Variants in SPATA16 observed in about 807,000 individuals in gnomAD.
SPATA16 encodes spermatogenesis-associated protein 16.
SPATA16 carries 36 observed loss-of-function variants against 63.3 expected under a neutral mutation model. That is an observed-to-expected ratio of 0.57 (90% CI 0.44 to 0.75). SPATA16 has a LOEUF of 0.75. Ranked by LOEUF, SPATA16 falls within the 30% of genes least tolerant of loss-of-function variation. SPATA16 has a pLI of 0.00. For missense variants in SPATA16, 646 were observed against 679.3 expected (o/e 0.95, Z 0.54); for synonymous variants, 203 against 216.7 (o/e 0.94, Z 0.56).
chr3:173,057,415 T>C (rs1009579868), intron 2 of SPATA16, among the ~76,000 whole-genome samples: 5 of 151,270 alleles, frequency 3.3e-5, no homozygotes, highest in African/African-American at 1.2e-4. Context: ...ACCTGGCCTA[T>C]AGTGTTTTCT....
chr3:173,011,845 A>G (rs892494924), intron 4 of SPATA16, among the ~76,000 whole-genome samples: 2 of 152,184 alleles, frequency 1.3e-5, no homozygotes, highest in African/African-American at 4.8e-5. Flanking sequence ...TAGGAGACAG[A>G]GTCTGAACTC....
intron 2 of SPATA16, among the ~76,000 whole-genome samples, chr3:173,068,211 T>A (rs1736570363): frequency 6.6e-6 from 1 of 152,162 alleles, no homozygotes; most frequent in Admixed American, 6.5e-5. Flanking sequence ...ACACTGTAAT[T>A]GCAATGTTTA....
chr3:172,890,462 A>G (rs1253321258), intron 10 of SPATA16, among the ~76,000 whole-genome samples: 1 of 152,168 alleles, frequency 6.6e-6, no homozygotes, highest in Non-Finnish European at 1.5e-5. Flanking sequence ...GGACCTGCAT[A>G]TTGTATTAGC....
intron 1 of SPATA16, 23 bp from the exon 2 acceptor site, chr3:173,117,772 A>C: frequency 6.2e-7 from 1 of 1,613,892 alleles, no homozygotes; most frequent in African/African-American, 1.3e-5. Context: ...GAAAAAGGAA[A>C]GTAATTAAGG....
chr3:173,103,974 C>T (rs539725815), intron 2 of SPATA16, among the ~76,000 whole-genome samples: 3 of 152,284 alleles, frequency 2.0e-5, no homozygotes, highest in Non-Finnish European at 4.4e-5. Context: ...AGCAGCCAGG[C>T]CTTATCTTGA....
intron 8 of SPATA16, among the ~76,000 whole-genome samples, chr3:172,919,851 G>T (rs1162785073): frequency 2.6e-5 from 4 of 151,694 alleles, no homozygotes; most frequent in Non-Finnish European, 5.9e-5. Flanking sequence ...CTATTTTTTT[G>T]TGTGTTTGTG....
chr3:173,057,136 G>C (rs1207943204), intron 2 of SPATA16, among the ~76,000 whole-genome samples: 1 of 143,020 alleles, frequency 7.0e-6, no homozygotes, highest in African/African-American at 2.6e-5. Context: ...TTTTGAGGCA[G>C]ATTCTCGCTC....
chr3:172,937,398 T>G (rs1317167677), intron 6 of SPATA16, among the ~76,000 whole-genome samples: 1 of 152,166 alleles, frequency 6.6e-6, no homozygotes, highest in Non-Finnish European at 1.5e-5. Flanking sequence ...GCTGAATACA[T>G]AGGGTAATAC....
At chr3:172,901,261 A>G (rs904239235) in intron 10 of SPATA16, among the ~76,000 whole-genome samples, 45 of 152,200 alleles carry the variant, frequency 3.0e-4, no homozygotes, top group African/African-American at 1.0e-3. Context: ...GTGCAATCGC[A>G]TGATCTCGCA....
intron 4 of SPATA16, among the ~76,000 whole-genome samples, chr3:173,016,760 A>G (rs1735199192): frequency 6.6e-6 from 1 of 152,204 alleles, no homozygotes; most frequent in Non-Finnish European, 1.5e-5. Context: ...CACATCTGCA[A>G]TCCCAGCACT....
chr3:173,007,376 T>C (rs2108269312), intron 4 of SPATA16, among the ~76,000 whole-genome samples: 1 of 152,214 alleles, frequency 6.6e-6, no homozygotes, highest in Non-Finnish European at 1.5e-5. Context: ...GCAGCTGATA[T>C]GGTAAAATAG....
Position 172,968,796 on chromosome 3 carries a change from C to A in SPATA16, c.933+8172G>T, listed in dbSNP as rs150103584. On this transcript the variant is annotated intron_variant, in intron 5 of 10. Coordinates refer to ENST00000351008, the MANE Select transcript of SPATA16 (RefSeq NM_031955.6). ...TTTAAAAGTGAACCTCTCCTACTGG[C>A]ATACTACCTCAAATAGCATCAAAGC... Among the ~76,000 whole-genome samples the A allele has an allele frequency of 2.7e-3, 418 of 152,308 alleles. 3 individuals carry two copies. Among genetic ancestry groups the A allele is most frequent in the African/African-American group, 9.3e-3 (388 of 41,568 alleles).
chr3:173,134,434 A>C (rs955382111), intron 1 of SPATA16, among the ~76,000 whole-genome samples: 2 of 151,878 alleles, frequency 1.3e-5, no homozygotes, highest in African/African-American at 4.8e-5. Flanking sequence ...GGTTGCAATG[A>C]GCTAAGATTG....
intron 2 of SPATA16, among the ~76,000 whole-genome samples, chr3:173,102,750 T>C (rs1398674027): frequency 6.6e-6 from 1 of 152,156 alleles, no homozygotes; most frequent in Non-Finnish European, 1.5e-5. Context: ...CTCATGTCCT[T>C]ATCACATTAA....
At chr3:172,967,981 C>T (rs576172889) in intron 5 of SPATA16, among the ~76,000 whole-genome samples, 1 of 152,124 alleles carries the variant, frequency 6.6e-6, no homozygotes, top group Non-Finnish European at 1.5e-5. Context: ...TTGAAACCAT[C>T]CCCCCACCCT....
At chr3:172,927,771 G>A (rs542493510) in intron 6 of SPATA16, among the ~76,000 whole-genome samples, 1 of 152,102 alleles carries the variant, frequency 6.6e-6, no homozygotes, top group African/African-American at 2.4e-5. Context: ...AAAAATCGAC[G>A]GGAAACATGC....
chr3:173,051,571 A>C (rs146438013), intron 2 of SPATA16, among the ~76,000 whole-genome samples: 1 of 152,174 alleles, frequency 6.6e-6, no homozygotes, highest in Non-Finnish European at 1.5e-5. Flanking sequence ...TCCTGACCTC[A>C]AGTAATCTGC....
At chr3:173,049,736 A>G (rs1034044801) in intron 2 of SPATA16, among the ~76,000 whole-genome samples, 3 of 152,162 alleles carry the variant, frequency 2.0e-5, no homozygotes, top group Non-Finnish European at 2.9e-5. Context: ...TCTTAATAAA[A>G]ATTCCAGGAA....
chr3:172,960,678 A>G (rs1733727999), intron 5 of SPATA16, among the ~76,000 whole-genome samples: 1 of 152,206 alleles, frequency 6.6e-6, no homozygotes, highest in Non-Finnish European at 1.5e-5. Context: ...TCAAGAGGAA[A>G]AGAAAAGCAA....
Sources: gnomAD v4.1 joint callset for allele counts (sites outside exome capture counted in the v4.1 genomes callset) on GRCh38, gnomAD v4.1.1 for gene constraint, MANE v1.5 for transcripts, NCBI Gene and HGNC (gene_info 2026-07-23, HGNC 2026-07-21) for gene names.